Variants in GNAO1 observed in about 807,000 individuals in gnomAD.
GNAO1 encodes the protein G protein subunit alpha o1.
For synonymous variants in GNAO1, 164 were observed against 180.7 expected, an observed-to-expected ratio of 0.91 and a Z score of 0.74; for missense variants, 166 against 478.7, an observed-to-expected ratio of 0.35 and a Z score of 6.10.
In GNAO1 at chr16:56,351,643, G is replaced by A. The variant is rs144154912; in HGVS notation, c.877+106G>A. ...GCACTGCTGGGGCTAGCTGGCGAGC[G>A]GGACCCATTGCAGGAGACTGGTGGG... On this transcript the variant is annotated intron_variant, in intron 7 of 8. Transcript: ENST00000262493. The surrounding 1 kb of genome is among the most constrained non-coding windows in gnomAD (Gnocchi z 6.1). The A allele has an allele frequency of 3.9e-4, 335 of 865,414 alleles. 1 individual carries two copies. The African/African-American group carries it at 4.9e-3, about 13-fold the overall frequency. 53.6% of individuals were successfully genotyped at this position (865,414 alleles called of 1,614,324 possible).
At chr16:56,348,759 G>C (rs190299647) in intron 6 of GNAO1, among the ~76,000 whole-genome samples, 1 of 152,236 alleles carries the variant, frequency 6.6e-6, no homozygotes, top group Non-Finnish European at 1.5e-5. Flanking sequence ...TCTCAGTGCC[G>C]GCGCCTCCCC....
intron 3 of GNAO1, among the ~76,000 whole-genome samples, chr16:56,287,067 ATG>A (rs1567469893): frequency 2.6e-5 from 4 of 152,170 alleles, no homozygotes; most frequent in Non-Finnish European, 4.4e-5. Context: ...TGCTGCTCCC[ATG>A]GCAGCCTCTC....
chr16:56,275,444 A>G (rs78005998), intron 2 of GNAO1, among the ~76,000 whole-genome samples: 5,128 of 152,298 alleles, frequency 0.034, 187 homozygotes, highest in African/African-American at 0.082. Context: ...AAAGATAAAG[A>G]TGGTTATTTG....
At chr16:56,352,565 G>C (rs1175778379) in intron 7 of GNAO1, 1 of 152,326 alleles carries the variant, frequency 6.6e-6, no homozygotes, top group African/African-American at 2.4e-5. Context: ...GACAGCCCTG[G>C]AGTAAGGCTT....
intron 3 of GNAO1, among the ~76,000 whole-genome samples, chr16:56,295,217 G>C (rs757941382): frequency 6.6e-6 from 1 of 152,160 alleles, no homozygotes; most frequent in Non-Finnish European, 1.5e-5. Context: ...TTCGTCTGCA[G>C]ATAAAGAAGT....
intron 3 of GNAO1, among the ~76,000 whole-genome samples, chr16:56,327,514 A>G (rs139570906): frequency 1.2e-3 from 177 of 152,200 alleles, no homozygotes; most frequent in African/African-American, 4.0e-3. Flanking sequence ...TGTGTTCACC[A>G]AATCCTTTGT....
chr16:56,297,630 T>G (rs1409015955), intron 3 of GNAO1, among the ~76,000 whole-genome samples: 1 of 152,058 alleles, frequency 6.6e-6, no homozygotes, highest in African/African-American at 2.4e-5. Context: ...GTTCTTTTCT[T>G]TTCTTTTTTA....
At chr16:56,235,384 G>A (rs1567448993) in intron 2 of GNAO1, 2 of 456,068 alleles carry the variant, frequency 4.4e-6, no homozygotes, top group Non-Finnish European at 8.8e-6. Context: ...ACTACAAGGA[G>A]GTAGGTAGAG....
At chr16:56,338,980 G>A (rs1379553866) in intron 6 of GNAO1, among the ~76,000 whole-genome samples, 2 of 152,236 alleles carry the variant, frequency 1.3e-5, no homozygotes, top group Non-Finnish European at 2.9e-5. Flanking sequence ...AGCAAATGGA[G>A]CCAAGGTCAC....
intron 2 of GNAO1, among the ~76,000 whole-genome samples, chr16:56,200,039 T>A (rs2036268621): frequency 6.6e-6 from 1 of 152,242 alleles, no homozygotes; most frequent in Non-Finnish European, 1.5e-5. Context: ...CCTTGGATTC[T>A]CTGCCTGTGT....
Position 56,281,838 on chromosome 16 carries a change from G to A in GNAO1, c.303+5766G>A, listed in dbSNP as rs940482462. 2.0e-5 allele frequency among the ~76,000 whole-genome samples: 3 copies of A among 152,180 alleles called. No homozygotes were observed. The South Asian group carries it at 6.2e-4, about 32-fold the overall frequency. On this transcript the variant is annotated intron_variant, in intron 3 of 8. Transcript: ENST00000262493. ...GATTAGAAGATTCACTGGACCAGTG[G>A]GGGGGATGGGGAAAGCTTTGAACAA...
chr16:56,291,382 G>A (rs1312998502), intron 3 of GNAO1, among the ~76,000 whole-genome samples: 2 of 152,106 alleles, frequency 1.3e-5, no homozygotes, highest in African/African-American at 2.4e-5. Context: ...ATCTTTTCAT[G>A]TGCTTTTGGC....
intron 6 of GNAO1, among the ~76,000 whole-genome samples, chr16:56,349,097 A>C (rs1414245558): frequency 6.6e-6 from 1 of 152,040 alleles, no homozygotes; most frequent in Non-Finnish European, 1.5e-5. Flanking sequence ...TGTGGCCCTG[A>C]GATGTAGGGG....
chr16:56,333,102 T>A (rs569941512), intron 4 of GNAO1, among the ~76,000 whole-genome samples: 1 of 152,152 alleles, frequency 6.6e-6, no homozygotes, highest in African/African-American at 2.4e-5. Context: ...CCTGTTTAAA[T>A]TTTTTTTCTG....
intron 2 of GNAO1, among the ~76,000 whole-genome samples, chr16:56,242,467 T>C (rs1314563608): frequency 4.6e-5 from 7 of 152,128 alleles, no homozygotes; most frequent in African/African-American, 1.7e-4. Context: ...AGCAAAAGAA[T>C]AGGCATCTAG....
intron 3 of GNAO1, among the ~76,000 whole-genome samples, chr16:56,292,042 T>TA (rs1400765412): frequency 6.6e-6 from 1 of 152,232 alleles, no homozygotes; most frequent in Non-Finnish European, 1.5e-5. Context: ...CTTCGGGACT[T>TA]ACACTCTTTT....
At position 56,198,053 on chromosome 16, in the gene GNAO1, AC is replaced by A. The variant is rs1338429594; in HGVS notation, c.161+5438del. 3.9e-5 allele frequency among the ~76,000 whole-genome samples: 6 copies of A among 152,318 alleles called. No individual in the cohort carries two copies. The South Asian group carries it at 8.3e-4, about 21-fold the overall frequency. ...AAGGGGTGATTCCAAACTGAAAAAA[AC>A]AAAACAAAACAAAAAAAACCACATT... is the stretch of plus-strand genomic sequence containing the variant. On this transcript the variant is annotated intron_variant, in intron 2 of 8. Coordinates refer to ENST00000262493, the MANE Select transcript of GNAO1 (RefSeq NM_020988.3).
chr16:56,198,827 G>C (rs922189323), intron 2 of GNAO1, among the ~76,000 whole-genome samples: 20 of 152,302 alleles, frequency 1.3e-4, no homozygotes, highest in Admixed American at 2.6e-4. Flanking sequence ...AAGCAGAAGG[G>C]GGGTGCTGTG....
At chr16:56,309,831 G>A (rs2037436814) in intron 3 of GNAO1, among the ~76,000 whole-genome samples, 1 of 152,332 alleles carries the variant, frequency 6.6e-6, no homozygotes, top group African/African-American at 2.4e-5. Flanking sequence ...CCCCAGAGTG[G>A]AGAAAGGACA....
Sources: allele counts gnomAD v4.1 joint callset (sites outside exome capture counted in the v4.1 genomes callset), GRCh38; gene constraint gnomAD v4.1.1; non-coding constraint Gnocchi (gnomAD v3.1); transcripts MANE v1.5; gene names NCBI Gene and HGNC (gene_info 2026-07-23, HGNC 2026-07-21).